The following ZNF207 variants were observed in gnomAD, a reference collection of about 807,000 sequenced individuals.
ZNF207 encodes the protein BUB3-interacting and GLEBS motif-containing protein ZNF207.
ZNF207 carries 24 observed loss-of-function variants against 60.2 expected under a neutral mutation model. The observed-to-expected ratio is 0.40, with a 90% CI of 0.29 to 0.56. ZNF207 has a LOEUF of 0.56. ZNF207 is among the 20% of genes least tolerant of loss of function. The probability of loss-of-function intolerance (pLI) is 0.49; values close to 1 mark genes in which losing one functional copy is unlikely to be tolerated. For missense variants in ZNF207, 452 were observed against 636.6 expected (o/e 0.71, Z 3.12); for synonymous variants, 236 against 194.7 (o/e 1.21, Z -1.77).
Position 32,369,332 on chromosome 17 carries a change from A to G in ZNF207, c.1202A>G (p.Asn401Ser), listed in dbSNP as rs943560178. 9.9e-6 allele frequency: 16 copies of G among 1,613,934 alleles called. No individual in the cohort carries two copies. Among genetic ancestry groups the G allele is most frequent in the Non-Finnish European group, 1.3e-5 (15 of 1,180,024 alleles). Residue 401 changes from asparagine (N) to serine (S), a missense_variant, in exon 11 of 12, where the codon AAT becomes AGT. Around this residue, in one of 2 missense-constraint regions of ZNF207, gnomAD observed 390 missense variants for 461.4 expected, o/e 0.85. Transcript: ENST00000394670. Reference protein sequence around the residue: ...RRAQLPKYQRNLPRPGQAPIG... With the variant: ...RRAQLPKYQRSLPRPGQAPIG... ...GCACAGTTACCTAAGTATCAACGTAATCTTCCTCGGCCAGGACAGGCCCCC... is the reference window on the plus strand; with the variant it reads ...GCACAGTTACCTAAGTATCAACGTAGTCTTCCTCGGCCAGGACAGGCCCCC...
intron 8 of ZNF207, among the ~76,000 whole-genome samples, chr17:32,365,996 CT>C (rs1331558764): frequency 6.6e-6 from 1 of 152,046 alleles, no homozygotes; most frequent in East Asian, 1.9e-4. Flanking sequence ...TTTTTCAAAG[CT>C]TTTAAAAGTC....
At chr17:32,361,590 A>G in intron 6 of ZNF207, 75 bp downstream of exon 6, 2 of 1,405,598 alleles carry the variant, frequency 1.4e-6, no homozygotes, top group Non-Finnish European at 1.9e-6. Flanking sequence ...GTTTAATGGT[A>G]TCTATTCAGT....
rs1320459278 is a variant in ZNF207, at chr17:32,379,581, C to G, written c.*9822C>G. On this transcript the variant is annotated 3_prime_UTR_variant, in exon 12 of 12. Coordinates refer to ENST00000394670, the MANE Select transcript of ZNF207 (RefSeq NM_001098507.2). ...ATTGCATAGGTGTAAAATTAAGATACCAGAACTTCATTCTGTTCTTGTTGA... is the reference window on the plus strand; with the variant it reads ...ATTGCATAGGTGTAAAATTAAGATAGCAGAACTTCATTCTGTTCTTGTTGA... 1 of 152,018 alleles carries G rather than the reference C, an allele frequency of 6.6e-6. No homozygotes were observed. The highest frequency in any genetic ancestry group is 2.4e-5 in the African/African-American group (1 of 41,414). The allele number at this position is 152,018 out of a possible 1,614,324, so 9.4% of individuals were successfully genotyped here. A position where few individuals can be genotyped will look rare whatever the true frequency, so the allele number is the denominator to read the frequency against.
Position 32,374,802 on chromosome 17 carries a change from G to A in ZNF207, c.*5043G>A, listed in dbSNP as rs1039958677. 4 of 152,086 alleles carry A rather than the reference G, an allele frequency of 2.6e-5. No individual in the cohort carries two copies. The highest frequency in any genetic ancestry group is 9.7e-5 in the African/African-American group (4 of 41,404). The allele number at this position is 152,086 out of a possible 1,614,324, so 9.4% of individuals were successfully genotyped here. ...ACTGAAATTTGATACCTGATCCTGT[G>A]GTAAAGTATGTTAAACTATGGTTTT... On this transcript the variant is annotated 3_prime_UTR_variant, in exon 12 of 12. Transcript: ENST00000394670.
intron 6 of ZNF207, among the ~76,000 whole-genome samples, chr17:32,362,216 C>T (rs145696458): frequency 1.0e-3 from 159 of 152,146 alleles, no homozygotes; most frequent in Non-Finnish European, 7.1e-4. Flanking sequence ...AGTGCAGTGG[C>T]GCAGTCACAG....
Position 32,358,529 on chromosome 17 carries a change from A to G in ZNF207, c.195A>G (p.Val65=). The G allele has an allele frequency of 6.4e-7, 1 of 1,567,064 alleles. No homozygotes were observed. Among genetic ancestry groups the G allele is most frequent in the South Asian group, 1.2e-5 (1 of 80,082 alleles). ...MQVHKETIDA[V]PNAIPGRTDI... ...TACATAAAGAAACAATAGATGCCGT[A>G]CCAAATGCAATACCTGGAAGAACAG... The change falls in exon 3 of 12, where the codon GTA becomes GTG. Residue 65 remains valine (V), a synonymous_variant. Coordinates refer to ENST00000394670, the MANE Select transcript of ZNF207 (RefSeq NM_001098507.2).
At chr17:32,354,674 C>T (rs998137170) in intron 2 of ZNF207, among the ~76,000 whole-genome samples, 2 of 151,414 alleles carry the variant, frequency 1.3e-5, no homozygotes, top group Non-Finnish European at 2.9e-5. Flanking sequence ...GTGCAGTGGG[C>T]GTGATCTCGG....
Position 32,367,763 on chromosome 17 carries a change from A to G in ZNF207, c.922-9A>G, listed in dbSNP as rs199733170. 28 of 1,613,660 alleles carry G rather than the reference A, an allele frequency of 1.7e-5. No homozygotes were observed. Among genetic ancestry groups the G allele is most frequent in the Admixed American group, 1.2e-4 (7 of 59,922 alleles). Reference sequence around the variant, plus strand: ...TGAAGTTTCGTTGATGAAGTATTGTATTTTACAGGCTCAGGCAGCTGTCCA... The same window carrying G: ...TGAAGTTTCGTTGATGAAGTATTGTGTTTTACAGGCTCAGGCAGCTGTCCA... On this transcript the variant is annotated splice_polypyrimidine_tract_variant and intron_variant, in intron 9 of 11. Transcript: ENST00000394670.
At chr17:32,369,118 T>G in intron 10 of ZNF207, 177 bp from the exon 11 acceptor site, 1 of 579,028 alleles carries the variant, frequency 1.7e-6, no homozygotes. Context: ...GGTGAAGTTT[T>G]AAGGTATCTA....
At chr17:32,364,268 A>G (rs1905052179) in intron 7 of ZNF207, among the ~76,000 whole-genome samples, 1 of 151,924 alleles carries the variant, frequency 6.6e-6, no homozygotes, top group African/African-American at 2.4e-5. Context: ...AAGTATATAG[A>G]ATTTGGCCTA....
intron 6 of ZNF207, among the ~76,000 whole-genome samples, chr17:32,362,247 C>G (rs1904931247): frequency 6.6e-6 from 1 of 152,252 alleles, no homozygotes; most frequent in Middle Eastern, 3.4e-3. Flanking sequence ...CCTTGACCTC[C>G]TGGGCTCAAG....
At chr17:32,358,396 T>C (rs1473981956) in intron 2 of ZNF207, 107 bp from the exon 3 acceptor site, 5 of 1,104,476 alleles carry the variant, frequency 4.5e-6, no homozygotes, top group Non-Finnish European at 6.2e-6. Context: ...GAATTGGCTC[T>C]ACATGGCCTC....
intron 2 of ZNF207, among the ~76,000 whole-genome samples, chr17:32,352,450 A>C (rs1043696140): frequency 6.6e-6 from 1 of 152,206 alleles, no homozygotes; most frequent in African/African-American, 2.4e-5. Flanking sequence ...ATTTGTATTT[A>C]GTTTGATAGT....
At chr17:32,361,005 C>G (rs1904850087) in intron 5 of ZNF207, 38 bp downstream of exon 5, 1 of 1,593,528 alleles carries the variant, frequency 6.3e-7, no homozygotes, top group Admixed American at 1.7e-5. Context: ...AGGCTTGTGC[C>G]TAGTAATGAT....
In ZNF207 at chr17:32,351,932, A is replaced by G. The variant is rs138124811; in HGVS notation, c.168+20A>G. The G allele has an allele frequency of 2.0e-6, 3 of 1,511,582 alleles. No homozygotes were observed. Among genetic ancestry groups the G allele is most frequent in the East Asian group, 2.3e-5 (1 of 42,702 alleles). The allele number at this position is 1,511,582 out of a possible 1,614,324, so 93.6% of individuals were successfully genotyped here. A position where few individuals can be genotyped will look rare whatever the true frequency, so the allele number is the denominator to read the frequency against. On this transcript the variant is annotated intron_variant, in intron 2 of 11. Coordinates refer to ENST00000394670, the MANE Select transcript of ZNF207 (RefSeq NM_001098507.2). ...ATGCAGGTAAGGATTTTTCTTCTGT[A>G]TTTATTGTCCGCTTGTGATTTGGAA...
Position 32,377,002 on chromosome 17 carries a change from A to G in ZNF207, c.*7243A>G, listed in dbSNP as rs1905699332. The G allele has an allele frequency of 6.6e-6, 1 of 152,036 alleles. No homozygotes were observed. Among genetic ancestry groups the G allele is most frequent in the Non-Finnish European group, 1.5e-5 (1 of 67,898 alleles). 9.4% of individuals were successfully genotyped at this position (152,036 alleles called of 1,614,324 possible). A position where few individuals can be genotyped will look rare whatever the true frequency, so the allele number is the denominator to read the frequency against. On this transcript the variant is annotated 3_prime_UTR_variant, in exon 12 of 12. Coordinates refer to ENST00000394670, the MANE Select transcript of ZNF207 (RefSeq NM_001098507.2). Reference sequence around the variant, plus strand: ...GTTTGCATTTTACTATTATGGTGGAATCTGTGTTCCTTCACCATTGGTTAA... The same window carrying G: ...GTTTGCATTTTACTATTATGGTGGAGTCTGTGTTCCTTCACCATTGGTTAA...
chr17:32,369,829 A>G lies in ZNF207; in HGVS notation c.*70A>G. ...TCAACTTGTGCTGTTTATATAGCCA[A>G]GCTTCCGTCAATAAGGCTTCATTGT... On this transcript the variant is annotated 3_prime_UTR_variant, in exon 12 of 12. Transcript: ENST00000394670. 8.9e-6 allele frequency: 12 copies of G among 1,351,764 alleles called. No homozygotes were observed. The South Asian group carries it at 1.2e-4, about 14-fold the overall frequency. The allele number at this position is 1,351,764 out of a possible 1,614,324, so 83.7% of individuals were successfully genotyped here.
intron 2 of ZNF207, among the ~76,000 whole-genome samples, chr17:32,352,797 G>T (rs2041530809): frequency 6.6e-6 from 1 of 152,228 alleles, no homozygotes; most frequent in African/African-American, 2.4e-5. Flanking sequence ...CTGGGTTCTA[G>T]CCGTCTTCCT....
chr17:32,363,742 G>A (rs1039723925), intron 7 of ZNF207, among the ~76,000 whole-genome samples: 1 of 151,472 alleles, frequency 6.6e-6, no homozygotes, highest in African/African-American at 2.4e-5. Flanking sequence ...ATGTCGGCCA[G>A]CTGGTCTCAA....
Sources: allele counts gnomAD v4.1 joint callset (sites outside exome capture counted in the v4.1 genomes callset), GRCh38; gene constraint gnomAD v4.1.1; regional missense constraint gnomAD v4.1.1; transcripts MANE v1.5; gene names NCBI Gene and HGNC (gene_info 2026-07-23, HGNC 2026-07-21).